The following ILRUN variants were observed in gnomAD, a reference collection of about 807,000 sequenced individuals.
ILRUN encodes the protein protein ILRUN.
In ILRUN, 3 loss-of-function variants were observed where a neutral mutation model predicts 33.8. The ratio of observed to expected loss-of-function variants is 0.09; its 90% confidence interval spans 0.04 to 0.23. ILRUN has a LOEUF of 0.23. ILRUN is among the 10% of genes least tolerant of loss of function. The pLI, the probability that ILRUN is intolerant of heterozygous loss-of-function variation, is 1.00. For missense variants in ILRUN, 210 were observed against 375.1 expected, an observed-to-expected ratio of 0.56 and a Z score of 3.64; for synonymous variants, 124 against 138.9, an observed-to-expected ratio of 0.89 and a Z score of 0.75.
intron 1 of ILRUN, among the ~76,000 whole-genome samples, chr6:34,683,746 A>G (rs1394610132): frequency 3.3e-5 from 5 of 151,896 alleles, no homozygotes; most frequent in African/African-American, 9.7e-5. Context: ...AAAATACTTG[A>G]ATTAATTGCC....
intron 3 of ILRUN, chr6:34,616,465 G>T: frequency 1.5e-6 from 1 of 652,858 alleles, no homozygotes. Context: ...AGAAAGGCTT[G>T]AAAGTGGACT....
At chr6:34,686,503 GAA>G (rs974761027) in intron 1 of ILRUN, 3 of 131,274 alleles carry the variant, frequency 2.3e-5, no homozygotes, top group East Asian at 2.3e-4. Flanking sequence ...CCGTCTCAAA[GAA>G]AAAAAAAAAA....
chr6:34,667,111 C>CT (rs1212511905), intron 1 of ILRUN, among the ~76,000 whole-genome samples: 1 of 152,126 alleles, frequency 6.6e-6, no homozygotes, highest in Non-Finnish European at 1.5e-5. Context: ...AAAAATCTAT[C>CT]TATAGTTTAT....
At chr6:34,632,005 G>A (rs904098018) in intron 3 of ILRUN, among the ~76,000 whole-genome samples, 14 of 152,086 alleles carry the variant, frequency 9.2e-5, no homozygotes, top group Admixed American at 8.5e-4. Flanking sequence ...AATGTTAAGG[G>A]GAAGAAGTTC....
In ILRUN at chr6:34,590,011, T is replaced by C. The variant is rs1311865404; in HGVS notation, c.*554A>G. ...AAAAACAAATGGGGTCAGAGACTTCTGGAGTCATGTGGCAGGGCAGATGTA... is the reference window on the plus strand; with the variant it reads ...AAAAACAAATGGGGTCAGAGACTTCCGGAGTCATGTGGCAGGGCAGATGTA... On this transcript the variant is annotated 3_prime_UTR_variant, in exon 5 of 5. Transcript: ENST00000374023. 6 of 152,480 alleles carry C rather than the reference T, an allele frequency of 3.9e-5. No individual in the cohort carries two copies. Among genetic ancestry groups the C allele is most frequent in the African/African-American group, 1.4e-4 (6 of 41,456 alleles). The allele number at this position is 152,480 out of a possible 1,614,324, so 9.4% of individuals were successfully genotyped here. A position where few individuals can be genotyped will look rare whatever the true frequency, so the allele number is the denominator to read the frequency against.
At chr6:34,686,824 C>T (rs190243709) in intron 1 of ILRUN, 1,327 of 56,042 alleles carry the variant, frequency 0.024, 28 homozygotes, top group African/African-American at 0.061. Context: ...GGCGCAGTGG[C>T]GGGCGCCTGT....
chr6:34,691,031 C>T (rs1418567027), intron 1 of ILRUN, among the ~76,000 whole-genome samples: 7 of 151,992 alleles, frequency 4.6e-5, no homozygotes, highest in African/African-American at 1.7e-4. Flanking sequence ...ACTACAGGTG[C>T]CCGTCACCAG....
At chr6:34,645,347 A>G (rs1762545239) in intron 3 of ILRUN, among the ~76,000 whole-genome samples, 1 of 151,996 alleles carries the variant, frequency 6.6e-6, no homozygotes, top group African/African-American at 2.4e-5. Flanking sequence ...GGGGGTGCCA[A>G]TGAGAAGGAT....
intron 1 of ILRUN, among the ~76,000 whole-genome samples, chr6:34,675,764 G>A (rs1763216024): frequency 6.6e-6 from 1 of 151,888 alleles, no homozygotes. Context: ...ATCAATGAAG[G>A]AAAGAATGAC....
intron 3 of ILRUN, among the ~76,000 whole-genome samples, chr6:34,610,699 A>G (rs189141949): frequency 9.8e-5 from 15 of 152,346 alleles, no homozygotes; most frequent in African/African-American, 3.4e-4. Flanking sequence ...GGGATACTCA[A>G]CCTGTAGTTT....
intron 3 of ILRUN, among the ~76,000 whole-genome samples, chr6:34,623,734 C>G (rs1243074587): frequency 6.6e-6 from 1 of 152,160 alleles, no homozygotes; most frequent in Admixed American, 6.6e-5. Flanking sequence ...TTGAAAAGCA[C>G]TTAAATATAA....
At position 34,666,027 on chromosome 6, in the gene ILRUN, A is replaced by C. The variant is rs1582092659; in HGVS notation, c.159-11248T>G. Among the ~76,000 whole-genome samples, 5 of 152,304 alleles carry C rather than the reference A, an allele frequency of 3.3e-5. 1 individual carries two copies. The highest frequency in any genetic ancestry group is 7.3e-5 in the Non-Finnish European group (5 of 68,032). On this transcript the variant is annotated intron_variant, in intron 1 of 4. Coordinates refer to ENST00000374023, the MANE Select transcript of ILRUN (RefSeq NM_024294.4). ...AAATGCACCCTAGGATATACATCTA[A>C]GAGAAAAATCTATAGCCCTATGCTA...
At chr6:34,640,591 T>TC (rs1012677423) in intron 3 of ILRUN, among the ~76,000 whole-genome samples, 19 of 151,982 alleles carry the variant, frequency 1.3e-4, no homozygotes, top group African/African-American at 4.6e-4. Context: ...GCACCTGTAG[T>TC]CCCAGCTATT....
At chr6:34,667,287 G>A (rs918373569) in intron 1 of ILRUN, among the ~76,000 whole-genome samples, 1 of 152,128 alleles carries the variant, frequency 6.6e-6, no homozygotes, top group African/African-American at 2.4e-5. Flanking sequence ...ATGGCTGAAG[G>A]TAAGGCAAAT....
At chr6:34,690,113 C>T (rs1403481840) in intron 1 of ILRUN, among the ~76,000 whole-genome samples, 6 of 152,090 alleles carry the variant, frequency 3.9e-5, no homozygotes, top group Non-Finnish European at 8.8e-5. Flanking sequence ...GTTACTAATG[C>T]TAAACAACTT....
intron 1 of ILRUN, among the ~76,000 whole-genome samples, chr6:34,667,258 C>T (rs1176361803): frequency 1.3e-5 from 2 of 152,094 alleles, no homozygotes; most frequent in Non-Finnish European, 2.9e-5. Flanking sequence ...TTCTCAATAC[C>T]CCCTTTTTTG....
In ILRUN at chr6:34,589,811, G is replaced by A. The variant is rs1181768092; in HGVS notation, c.*754C>T. ...AGGCTTAGAAAATCCCACGTCACCC[G>A]AGATCTATCCTCAAGGCTTCCTCTG... is the stretch of plus-strand genomic sequence containing the variant. On this transcript the variant is annotated 3_prime_UTR_variant, in exon 5 of 5. Coordinates refer to ENST00000374023, the MANE Select transcript of ILRUN (RefSeq NM_024294.4). The A allele has an allele frequency of 2.0e-5, 3 of 152,202 alleles. No homozygotes were observed. Among genetic ancestry groups the A allele is most frequent in the Non-Finnish European group, 4.4e-5 (3 of 68,034 alleles). The allele number at this position is 152,202 out of a possible 1,614,324, so 9.4% of individuals were successfully genotyped here.
At chr6:34,674,938 A>G (rs920032355) in intron 1 of ILRUN, among the ~76,000 whole-genome samples, 4 of 152,024 alleles carry the variant, frequency 2.6e-5, no homozygotes, top group African/African-American at 9.7e-5. Flanking sequence ...TTAAATTCTG[A>G]CTGAGGCCCT....
At chr6:34,612,967 C>T (rs6457784) in intron 3 of ILRUN, among the ~76,000 whole-genome samples, 24,595 of 151,706 alleles carry the variant, frequency 0.16, 2,700 homozygotes, top group African/African-American at 0.31. Flanking sequence ...GGCGTGAACC[C>T]GGGAGGCGGA....
Sources: allele counts gnomAD v4.1 joint callset (sites outside exome capture counted in the v4.1 genomes callset), GRCh38; gene constraint gnomAD v4.1.1; transcripts MANE v1.5; gene names NCBI Gene and HGNC (gene_info 2026-07-23, HGNC 2026-07-21).